Variants in LUZP2 observed in about 807,000 individuals in gnomAD.
LUZP2 encodes the protein leucine zipper protein 2.
LUZP2 carries 52 observed loss-of-function variants against 51.6 expected under a neutral mutation model. That is an observed-to-expected ratio of 1.01 (90% confidence interval 0.81 to 1.27). The LOEUF is 1.27. LUZP2 is among the 50% of genes most tolerant of loss of function. The pLI is 0.00. For synonymous variants in LUZP2, 154 were observed against 137.3 expected (o/e 1.12, Z -0.85); for missense variants, 436 against 395.4 (o/e 1.10, Z -0.87).
rs531896695 is a variant in LUZP2, at chr11:24,881,237, C to T, written c.397-24754C>T. On this transcript the variant is annotated intron_variant, in intron 5 of 11. Transcript: ENST00000336930. ...TGTTATTTTTAACTCAACTGAGATG[C>T]CTTTGGTTTAGCTGAAGGAAAGTAA... 4.0e-5 allele frequency among the ~76,000 whole-genome samples: 6 copies of T among 151,794 alleles called. No homozygotes were observed. In the East Asian group the frequency reaches 1.2e-3, roughly 29 times the overall value.
At chr11:24,919,921 CAAAA>C (rs1853977842) in intron 7 of LUZP2, among the ~76,000 whole-genome samples, 1 of 151,366 alleles carries the variant, frequency 6.6e-6, no homozygotes, top group Non-Finnish European at 1.5e-5. Flanking sequence ...ATTAAAGAAA[CAAAA>C]ATAAATAATT....
intron 9 of LUZP2, among the ~76,000 whole-genome samples, chr11:24,992,749 C>T (rs529609446): frequency 4.6e-5 from 7 of 152,166 alleles, no homozygotes; most frequent in Admixed American, 1.3e-4. Flanking sequence ...ATACTGCTTC[C>T]AAGACATTGT....
At chr11:24,566,923 A>G (rs1852258341) in intron 1 of LUZP2, among the ~76,000 whole-genome samples, 1 of 1,172 alleles carries the variant, frequency 8.5e-4, no homozygotes, top group African/African-American at 3.5e-3. Flanking sequence ...ATATATGTAT[A>G]TATGTATATA....
chr11:24,805,991 G>A (rs1202689492), intron 5 of LUZP2, among the ~76,000 whole-genome samples: 1 of 152,152 alleles, frequency 6.6e-6, no homozygotes, highest in African/African-American at 2.4e-5. Context: ...AAAGCCTGTT[G>A]CAAAGAAATG....
chr11:25,066,504 G>A (rs887324538), intron 10 of LUZP2, among the ~76,000 whole-genome samples: 1 of 151,868 alleles, frequency 6.6e-6, no homozygotes, highest in African/African-American at 2.4e-5. Context: ...AAAACCTGTG[G>A]CAATGACATT....
At chr11:24,606,744 T>C (rs964574761) in intron 1 of LUZP2, among the ~76,000 whole-genome samples, 6 of 152,062 alleles carry the variant, frequency 3.9e-5, no homozygotes, top group Admixed American at 6.5e-5. Flanking sequence ...TTCGTATTGA[T>C]TATACCAGTT....
chr11:24,500,902 C>G (rs1468615068), intron 1 of LUZP2, among the ~76,000 whole-genome samples: 1 of 152,096 alleles, frequency 6.6e-6, no homozygotes, highest in Non-Finnish European at 1.5e-5. Flanking sequence ...ATGCCCCGGG[C>G]TATTTGTTCC....
chr11:24,960,168 A>G (rs2133877399), intron 7 of LUZP2, among the ~76,000 whole-genome samples: 1 of 152,060 alleles, frequency 6.6e-6, no homozygotes, highest in South Asian at 2.1e-4. Flanking sequence ...TTTATTGAGG[A>G]TTTTTGCATC....
chr11:24,953,883 A>G (rs1242120690), intron 7 of LUZP2, among the ~76,000 whole-genome samples: 1 of 152,040 alleles, frequency 6.6e-6, no homozygotes, highest in Non-Finnish European at 1.5e-5. Context: ...GATATTAAAC[A>G]GACAGGTAAA....
At chr11:24,661,444 A>T (rs1340870495) in intron 1 of LUZP2, among the ~76,000 whole-genome samples, 1 of 152,150 alleles carries the variant, frequency 6.6e-6, no homozygotes, top group Admixed American at 6.6e-5. Context: ...TCTTTATTAG[A>T]TTCTGTGGGA....
intron 5 of LUZP2, among the ~76,000 whole-genome samples, chr11:24,837,695 T>G (rs948592213): frequency 2.6e-5 from 4 of 151,842 alleles, no homozygotes; most frequent in Admixed American, 2.6e-4. Flanking sequence ...TCAATTGTCA[T>G]CATTACGGTG....
At chr11:24,912,847 CA>C (rs1385152011) in intron 6 of LUZP2, among the ~76,000 whole-genome samples, 2 of 152,050 alleles carry the variant, frequency 1.3e-5, no homozygotes, top group Non-Finnish European at 1.5e-5. Context: ...AAAACTGAAT[CA>C]CAATAAACTT....
chr11:25,001,069 C>A (rs2133942715), intron 9 of LUZP2, among the ~76,000 whole-genome samples: 1 of 152,226 alleles, frequency 6.6e-6, no homozygotes, highest in African/African-American at 2.4e-5. Flanking sequence ...TTCTGATTTC[C>A]ATAAGATTAG....
chr11:24,922,057 T>A lies in LUZP2; in HGVS notation c.522+7519T>A, dbSNP rs528394464. On this transcript the variant is annotated intron_variant, in intron 7 of 11. Transcript: ENST00000336930. The stretch of plus-strand genomic sequence containing the variant: ...GCTATCGCCATGGATATTAATTATT[T>A]TTTTTTTAAGTAGAGCTGACCTGTT... Among the ~76,000 whole-genome samples, 36 of 152,256 alleles carry A rather than the reference T, an allele frequency of 2.4e-4. No individual in the cohort carries two copies. In the South Asian group the frequency reaches 5.4e-3, roughly 23 times the overall value.
At chr11:24,656,742 T>C (rs1009161951) in intron 1 of LUZP2, among the ~76,000 whole-genome samples, 2 of 152,176 alleles carry the variant, frequency 1.3e-5, no homozygotes, top group Non-Finnish European at 2.9e-5. Flanking sequence ...TCTCCAACTT[T>C]AAAGCCAGCA....
At chr11:24,598,143 TTTGTGCCCTG>T in intron 1 of LUZP2, among the ~76,000 whole-genome samples, 1 of 151,670 alleles carries the variant, frequency 6.6e-6, no homozygotes. Context: ...AAGCACCTGC[TTTGTGCCCTG>T]TAGATAACAA....
chr11:24,747,674 G>A (rs899279703), intron 4 of LUZP2, among the ~76,000 whole-genome samples: 4 of 152,116 alleles, frequency 2.6e-5, no homozygotes, highest in African/African-American at 9.7e-5. Context: ...AGGACCATCA[G>A]GTTGCTGCAG....
intron 10 of LUZP2, among the ~76,000 whole-genome samples, chr11:25,059,338 T>C (rs966496414): frequency 7.9e-5 from 12 of 152,184 alleles, no homozygotes; most frequent in African/African-American, 1.9e-4. Context: ...ATTCTTGAAG[T>C]TTTATTCTCT....
intron 5 of LUZP2, among the ~76,000 whole-genome samples, chr11:24,767,785 G>C (rs894513664): frequency 3.9e-5 from 6 of 152,000 alleles, no homozygotes; most frequent in Non-Finnish European, 7.4e-5. Context: ...TTGTTTGGTT[G>C]CAAAAAGTAT....
Sources: allele counts gnomAD v4.1 joint callset (sites outside exome capture counted in the v4.1 genomes callset), GRCh38; gene constraint gnomAD v4.1.1; transcripts MANE v1.5; gene names NCBI Gene and HGNC (gene_info 2026-07-23, HGNC 2026-07-21).